Variants in R3HDM1 observed in about 807,000 individuals in gnomAD.
The protein encoded by R3HDM1 is R3H domain-containing protein 1.
R3HDM1 carries 46 observed loss-of-function variants against 141.1 expected under a neutral mutation model. The ratio of observed to expected loss-of-function variants is 0.33; its 90% CI spans 0.26 to 0.42. The LOEUF is 0.42. R3HDM1 is among the 10% of genes least tolerant of loss of function. The probability of loss-of-function intolerance (pLI) is 1.00; values close to 1 mark genes in which losing one functional copy is unlikely to be tolerated. For missense variants in R3HDM1, 1,184 were observed against 1,368.3 expected, an observed-to-expected ratio of 0.87 and a Z score of 2.12; for synonymous variants, 435 against 472.9, an observed-to-expected ratio of 0.92 and a Z score of 1.04.
chr2:135,646,083 A>T (rs2064364675), intron 16 of R3HDM1, among the ~76,000 whole-genome samples: 1 of 151,422 alleles, frequency 6.6e-6, no homozygotes, highest in Non-Finnish European at 1.5e-5. Context: ...CAGTTGTATT[A>T]TCCATCTTTG....
rs1342254096 is a variant in R3HDM1, at chr2:135,650,820, C to T, written c.1725+817C>T. ...GAAAATCCAGCAGATCTAGAAACTG[C>T]AGACATGTCAACTTTGATATGATGA... On this transcript the variant is annotated intron_variant, in intron 17 of 26. Coordinates refer to ENST00000683871, the MANE Select transcript of R3HDM1 (RefSeq NM_001378107.1). 2.1e-5 allele frequency: 21 copies of T among 984,276 alleles called. No homozygotes were observed. In the Admixed American group the frequency reaches 1.3e-3, roughly 61 times the overall value. 61.0% of individuals were successfully genotyped at this position (984,276 alleles called of 1,614,324 possible).
chr2:135,685,482 A>G (rs2071171831), intron 21 of R3HDM1, among the ~76,000 whole-genome samples: 1 of 152,218 alleles, frequency 6.6e-6, no homozygotes, highest in South Asian at 2.1e-4. Flanking sequence ...GGGAGAATCC[A>G]TTCACATTTA....
At chr2:135,712,860 G>A (rs961399951) in intron 23 of R3HDM1, among the ~76,000 whole-genome samples, 1 of 151,922 alleles carries the variant, frequency 6.6e-6, no homozygotes, top group Non-Finnish European at 1.5e-5. Context: ...GGCGGAGCTT[G>A]CAGTGAGCCA....
rs569913430 is a variant in R3HDM1, at chr2:135,603,327, A to G, written c.-41+619A>G. Among the ~76,000 whole-genome samples the G allele has an allele frequency of 1.1e-4, 16 of 152,288 alleles. No homozygotes were observed. In the East Asian group the frequency reaches 3.1e-3, roughly 29 times the overall value. On this transcript the variant is annotated intron_variant, in intron 2 of 26. Transcript: ENST00000683871. ...TAGATTGCAAAACATTCTTTCAGGA[A>G]ATGAACTTTTGAATTTTTCAAATTG...
chr2:135,709,925 T>C, intron 22 of R3HDM1, 134 bp from the exon 23 acceptor site: 1 of 921,210 alleles, frequency 1.1e-6, no homozygotes, highest in Non-Finnish European at 1.6e-6. Flanking sequence ...GCACTAGGGC[T>C]TCAACCTGGT....
intron 21 of R3HDM1, among the ~76,000 whole-genome samples, chr2:135,707,860 T>G (rs2075134619): frequency 6.6e-6 from 1 of 152,208 alleles, no homozygotes; most frequent in African/African-American, 2.4e-5. Context: ...CCAAAATCAC[T>G]TTCTATTAAA....
At chr2:135,684,281 A>G (rs906890948) in intron 21 of R3HDM1, among the ~76,000 whole-genome samples, 10 of 152,034 alleles carry the variant, frequency 6.6e-5, no homozygotes, top group East Asian at 1.9e-4. Context: ...AGTAGAGATG[A>G]GGTTTCACCA....
At chr2:135,696,959 A>T (rs573456506) in intron 21 of R3HDM1, among the ~76,000 whole-genome samples, 1 of 152,256 alleles carries the variant, frequency 6.6e-6, no homozygotes, top group Admixed American at 6.5e-5. Flanking sequence ...AAAACCTGTT[A>T]CAGAGTCATA....
intron 3 of R3HDM1, among the ~76,000 whole-genome samples, chr2:135,613,975 G>T (rs895259415): frequency 1.3e-5 from 2 of 152,106 alleles, no homozygotes; most frequent in African/African-American, 4.8e-5. Context: ...AATTGCACTG[G>T]ACTAAGATTC....
intron 22 of R3HDM1, 73 bp from the exon 23 acceptor site, chr2:135,709,986 T>G (rs2075429743): frequency 1.4e-6 from 2 of 1,424,936 alleles, no homozygotes; most frequent in African/African-American, 1.4e-5. Flanking sequence ...TTACTACTGT[T>G]ATCCTAGTGT....
At chr2:135,584,642 G>A (rs1201297390) in intron 1 of R3HDM1, among the ~76,000 whole-genome samples, 1 of 152,186 alleles carries the variant, frequency 6.6e-6, no homozygotes, top group Non-Finnish European at 1.5e-5. Flanking sequence ...TTCATAATTA[G>A]AGGAAGGCCT....
chr2:135,635,336 A>T (rs1445914721), intron 9 of R3HDM1, among the ~76,000 whole-genome samples: 1 of 152,222 alleles, frequency 6.6e-6, no homozygotes, highest in Non-Finnish European at 1.5e-5. Flanking sequence ...TAGACGAGGC[A>T]GTACAGGCTT....
intron 16 of R3HDM1, among the ~76,000 whole-genome samples, chr2:135,646,891 A>AG (rs1354764193): frequency 5.2e-4 from 57 of 108,574 alleles, no homozygotes; most frequent in Admixed American, 3.3e-3. Flanking sequence ...TAAAAAAAAA[A>AG]AAAGAAGAAG....
intron 1 of R3HDM1, chr2:135,561,421 A>G: frequency 2.3e-6 from 2 of 864,656 alleles, no homozygotes; most frequent in Non-Finnish European, 2.8e-6. Context: ...GACATTTTAA[A>G]AAATGTTAAG....
At chr2:135,558,550 C>T (rs1701199840) in intron 1 of R3HDM1, among the ~76,000 whole-genome samples, 1 of 152,166 alleles carries the variant, frequency 6.6e-6, no homozygotes, top group Non-Finnish European at 1.5e-5. Flanking sequence ...TGGCACTCAC[C>T]TAGCATTTAG....
chr2:135,651,379 A>G, intron 17 of R3HDM1: 1 of 983,688 alleles, frequency 1.0e-6, no homozygotes, highest in Non-Finnish European at 1.2e-6. Context: ...AGAAAATATT[A>G]ATTGTATAAT....
intron 16 of R3HDM1, among the ~76,000 whole-genome samples, chr2:135,649,558 A>G (rs764545032): frequency 6.6e-6 from 1 of 152,206 alleles, no homozygotes; most frequent in Non-Finnish European, 1.5e-5. Context: ...AATGAGAAGT[A>G]GTTTTGCTTT....
At chr2:135,568,445 G>A (rs924226229) in intron 1 of R3HDM1, among the ~76,000 whole-genome samples, 2 of 152,128 alleles carry the variant, frequency 1.3e-5, no homozygotes, top group Middle Eastern at 3.4e-3. Context: ...CACCTCGCAG[G>A]TTCGAGTGAT....
chr2:135,693,671 A>T (rs574677387), intron 21 of R3HDM1, among the ~76,000 whole-genome samples: 78 of 152,348 alleles, frequency 5.1e-4, no homozygotes, highest in Non-Finnish European at 1.0e-3. Flanking sequence ...AAGAGGAAAG[A>T]TGTAACTACT....
Sources: gnomAD v4.1 joint callset for allele counts (sites outside exome capture counted in the v4.1 genomes callset) on GRCh38, gnomAD v4.1.1 for gene constraint, MANE v1.5 for transcripts, NCBI Gene and HGNC (gene_info 2026-07-23, HGNC 2026-07-21) for gene names.